Variants in ADAMTSL1 observed in about 807,000 individuals in gnomAD.
ADAMTSL1 encodes ADAMTS like 1.
A neutral mutation model predicts 201.8 loss-of-function variants in ADAMTSL1; 126 were observed. The observed-to-expected ratio is 0.62, with a 90% CI of 0.54 to 0.72. The LOEUF (loss-of-function observed/expected upper bound fraction) is 0.72. ADAMTSL1 is among the 30% of genes least tolerant of loss of function. The probability of loss-of-function intolerance (pLI) is 0.00; values close to 1 mark genes in which losing one functional copy is unlikely to be tolerated. For missense variants in ADAMTSL1, 2,679 were observed against 2,277.8 expected, an observed-to-expected ratio of 1.18 and a Z score of -3.59; for synonymous variants, 1,121 against 903.4, an observed-to-expected ratio of 1.24 and a Z score of -4.32.
In ADAMTSL1 at chr9:18,099,636, C is replaced by CTT. The variant is rs35621900; in HGVS notation, c.88-64211_88-64210dup. ...TCTTTCTTCCTTTTTCTCTCTCTCCCTTTTTTTTTTTTTTTTCTTGAGATG... is the reference window on the plus strand; with the variant it reads ...TCTTTCTTCCTTTTTCTCTCTCTCCCTTTTTTTTTTTTTTTTTTCTTGAGATG... On this transcript the variant is annotated intron_variant, in intron 1 of 29. Coordinates refer to the ADAMTSL1 transcript ENST00000680146. Among the ~76,000 whole-genome samples, 6 of 134,012 alleles carry CTT rather than the reference C, an allele frequency of 4.5e-5. No homozygotes were observed. In the South Asian group the frequency reaches 7.1e-4, roughly 16 times the overall value. 87.9% of individuals were successfully genotyped at this position (134,012 alleles called of 152,430 possible).
intron 4 of ADAMTSL1, among the ~76,000 whole-genome samples, chr9:18,575,602 T>C (rs1034205405): frequency 6.6e-6 from 1 of 152,174 alleles, no homozygotes; most frequent in Non-Finnish European, 1.5e-5. Context: ...TAGTAGAGAA[T>C]TGTAAAGCAA....
At chr9:18,052,294 G>T (rs1484055141) in intron 1 of ADAMTSL1, among the ~76,000 whole-genome samples, 1 of 152,230 alleles carries the variant, frequency 6.6e-6, no homozygotes, top group Non-Finnish European at 1.5e-5. Context: ...TTAGGTAAAT[G>T]CCCTGAAGTG....
chr9:18,645,353 A>T (rs9406754), intron 7 of ADAMTSL1, among the ~76,000 whole-genome samples: 15,163 of 151,944 alleles, frequency 0.1, 1,458 homozygotes, highest in African/African-American at 0.25. Context: ...GTTCACTCTG[A>T]TGGTAGTTTC....
intron 26 of ADAMTSL1, among the ~76,000 whole-genome samples, chr9:18,898,188 CA>C (rs1195864282): frequency 6.6e-6 from 1 of 151,886 alleles, no homozygotes; most frequent in South Asian, 2.1e-4. Flanking sequence ...GACTCCGTCT[CA>C]AAAAAAGAAG....
intron 2 of ADAMTSL1, among the ~76,000 whole-genome samples, chr9:18,416,436 G>A (rs1433854902): frequency 6.6e-6 from 1 of 151,914 alleles, no homozygotes; most frequent in African/African-American, 2.4e-5. Flanking sequence ...AGTAAACTAA[G>A]AACAGATAAA....
chr9:18,315,841 G>A (rs1318010116), intron 2 of ADAMTSL1, among the ~76,000 whole-genome samples: 1 of 152,240 alleles, frequency 6.6e-6, no homozygotes, highest in East Asian at 1.9e-4. Context: ...GGCCAAGGAG[G>A]CGCAGAGAGC....
At chr9:18,280,675 T>TA (rs1263117902) in intron 2 of ADAMTSL1, among the ~76,000 whole-genome samples, 7 of 152,210 alleles carry the variant, frequency 4.6e-5, no homozygotes, top group African/African-American at 9.6e-5. Flanking sequence ...GCATTATAAA[T>TA]AAATTTTAAA....
At chr9:18,137,884 G>A (rs1001642768) in intron 1 of ADAMTSL1, among the ~76,000 whole-genome samples, 5 of 152,200 alleles carry the variant, frequency 3.3e-5, no homozygotes, top group Admixed American at 2.6e-4. Flanking sequence ...CAAAAGAGAG[G>A]CATCTTTGAC....
chr9:17,938,410 A>G (rs904443702), intron 1 of ADAMTSL1, among the ~76,000 whole-genome samples: 2 of 152,024 alleles, frequency 1.3e-5, no homozygotes, highest in African/African-American at 4.8e-5. Context: ...TCAAAGAGAT[A>G]CCCCCAGGTA....
intron 2 of ADAMTSL1, among the ~76,000 whole-genome samples, chr9:18,372,886 A>G (rs897351081): frequency 1.3e-5 from 2 of 152,208 alleles, no homozygotes; most frequent in African/African-American, 4.8e-5. Flanking sequence ...GGACAAAGCA[A>G]CAAACTATGG....
At chr9:18,050,347 T>G (rs991737010) in intron 1 of ADAMTSL1, among the ~76,000 whole-genome samples, 1 of 152,220 alleles carries the variant, frequency 6.6e-6, no homozygotes, top group African/African-American at 2.4e-5. Context: ...GTTTTTTATA[T>G]ATCTATATCA....
intron 3 of ADAMTSL1, among the ~76,000 whole-genome samples, chr9:18,560,824 T>C (rs1178202563): frequency 6.6e-6 from 1 of 152,130 alleles, no homozygotes; most frequent in African/African-American, 2.4e-5. Flanking sequence ...TGATGGTAGT[T>C]TGTATTTCTG....
intron 15 of ADAMTSL1, among the ~76,000 whole-genome samples, chr9:18,740,024 A>G (rs1161575199): frequency 6.6e-6 from 1 of 152,148 alleles, no homozygotes; most frequent in Non-Finnish European, 1.5e-5. Flanking sequence ...TGAGACAGAG[A>G]CAGGGAGATC....
At chr9:18,851,738 C>T (rs1249570729) in intron 23 of ADAMTSL1, among the ~76,000 whole-genome samples, 1 of 152,138 alleles carries the variant, frequency 6.6e-6, no homozygotes, top group Non-Finnish European at 1.5e-5. Flanking sequence ...GGAAGGGCCA[C>T]GTGTATAGTG....
At chr9:18,241,568 T>G (rs1015090501) in intron 2 of ADAMTSL1, among the ~76,000 whole-genome samples, 1 of 152,098 alleles carries the variant, frequency 6.6e-6, no homozygotes, top group Non-Finnish European at 1.5e-5. Flanking sequence ...AAATTTGTAT[T>G]GCACATGTTT....
At chr9:18,537,640 G>C (rs1264151272) in intron 3 of ADAMTSL1, among the ~76,000 whole-genome samples, 1 of 152,064 alleles carries the variant, frequency 6.6e-6, no homozygotes, top group Non-Finnish European at 1.5e-5. Flanking sequence ...GGGTGGAGGG[G>C]TGAGGCAGAA....
intron 1 of ADAMTSL1, among the ~76,000 whole-genome samples, chr9:17,914,474 C>G (rs1450480944): frequency 6.6e-6 from 1 of 152,162 alleles, no homozygotes; most frequent in Non-Finnish European, 1.5e-5. Context: ...TTCAGCAACC[C>G]TTCATGCTAA....
chr9:18,325,887 T>G (rs988263375), intron 2 of ADAMTSL1, among the ~76,000 whole-genome samples: 7 of 152,158 alleles, frequency 4.6e-5, no homozygotes, highest in African/African-American at 1.7e-4. Flanking sequence ...ATTACAGGCA[T>G]GCACCACTAC....
intron 1 of ADAMTSL1, among the ~76,000 whole-genome samples, chr9:18,009,984 A>G (rs1251624267): frequency 6.6e-6 from 1 of 152,070 alleles, no homozygotes; most frequent in Non-Finnish European, 1.5e-5. Context: ...ACTTCAGAAG[A>G]AACTTCGAAC....
Sources: gnomAD v4.1 joint callset for allele counts (sites outside exome capture counted in the v4.1 genomes callset) on GRCh38, gnomAD v4.1.1 for gene constraint, MANE v1.5 for transcripts, NCBI Gene and HGNC (gene_info 2026-07-23, HGNC 2026-07-21) for gene names.